Variants in SGCD observed in about 807,000 individuals in gnomAD.
SGCD encodes the protein delta-sarcoglycan.
SGCD carries 18 observed loss-of-function variants against 36.6 expected under a neutral mutation model. That is an observed-to-expected ratio of 0.49 (90% CI 0.34 to 0.73). The LOEUF (loss-of-function observed/expected upper bound fraction) is 0.73. Among genes scored for constraint, SGCD ranks in the 30% least tolerant of loss-of-function variants. The pLI, the probability that SGCD is intolerant of heterozygous loss-of-function variation, is 0.01. For synonymous variants in SGCD, 133 were observed against 130.6 expected, an observed-to-expected ratio of 1.02 and a Z score of -0.12; for missense variants, 387 against 346.7, an observed-to-expected ratio of 1.12 and a Z score of -0.92.
At chr5:156,164,704 G>C (rs1043384065) in intron 3 of SGCD, among the ~76,000 whole-genome samples, 3 of 152,158 alleles carry the variant, frequency 2.0e-5, no homozygotes, top group African/African-American at 7.2e-5. Flanking sequence ...TTTTAACTAA[G>C]CATTGCCTTT....
At chr5:156,536,179 G>C (rs1406341805) in intron 4 of SGCD, among the ~76,000 whole-genome samples, 1 of 152,148 alleles carries the variant, frequency 6.6e-6, no homozygotes, top group African/African-American at 2.4e-5. Context: ...AGGATACTAT[G>C]TGATTTAGAT....
At chr5:156,012,167 A>G (rs1758872249) in intron 1 of SGCD, among the ~76,000 whole-genome samples, 1 of 152,240 alleles carries the variant, frequency 6.6e-6, no homozygotes, top group South Asian at 2.1e-4. Flanking sequence ...TGTCATATAT[A>G]CTTTAGCAGA....
At chr5:156,392,208 T>C (rs1771608589) in intron 3 of SGCD, among the ~76,000 whole-genome samples, 1 of 152,170 alleles carries the variant, frequency 6.6e-6, no homozygotes, top group Non-Finnish European at 1.5e-5. Flanking sequence ...ACCCCATCCA[T>C]ACATTCAACA....
At chr5:156,408,736 A>G (rs899018316) in intron 3 of SGCD, among the ~76,000 whole-genome samples, 1 of 151,984 alleles carries the variant, frequency 6.6e-6, no homozygotes, top group African/African-American at 2.4e-5. Flanking sequence ...CTCTGTCTTT[A>G]GTCATCCTCT....
At chr5:156,312,537 C>T (rs1767416154) in intron 3 of SGCD, among the ~76,000 whole-genome samples, 1 of 152,134 alleles carries the variant, frequency 6.6e-6, no homozygotes. Flanking sequence ...GCTTCAATTG[C>T]ATATTCATTA....
chr5:156,597,468 C>T lies in SGCD; in HGVS notation c.502+2417C>T, dbSNP rs747279043. On this transcript the variant is annotated intron_variant, in intron 6 of 8. Coordinates refer to ENST00000337851, the MANE Select transcript of SGCD (RefSeq NM_000337.6). ...AAGAGAGCACATGCAGGAAAACTGC[C>T]CTTTATGCAACCATCAGATCTCATG... Among the ~76,000 whole-genome samples, 3 of 152,148 alleles carry T rather than the reference C, an allele frequency of 2.0e-5. No homozygotes were observed. In the East Asian group the frequency reaches 5.8e-4, roughly 29 times the overall value.
At chr5:156,427,748 G>T (rs572043969) in intron 3 of SGCD, among the ~76,000 whole-genome samples, 2 of 152,078 alleles carry the variant, frequency 1.3e-5, no homozygotes, top group African/African-American at 4.8e-5. Flanking sequence ...TATCATAAAG[G>T]GATGCTGGAT....
chr5:155,739,345 A>C, the SGCD span, among the ~76,000 whole-genome samples: 1 of 152,202 alleles, frequency 6.6e-6, no homozygotes. Context: ...TGGGACTGTG[A>C]GTTTCACAGT....
intron 3 of SGCD, among the ~76,000 whole-genome samples, chr5:156,425,938 A>G (rs969283519): frequency 2.0e-5 from 3 of 152,036 alleles, no homozygotes; most frequent in African/African-American, 7.2e-5. Flanking sequence ...TATATACCAA[A>G]TATTCTTTAT....
chr5:156,432,922 C>T (rs954880863), intron 3 of SGCD, among the ~76,000 whole-genome samples: 10 of 152,144 alleles, frequency 6.6e-5, no homozygotes, highest in South Asian at 6.2e-4. Flanking sequence ...TTTCAGACCA[C>T]GCTCCTTCCT....
intron 3 of SGCD, among the ~76,000 whole-genome samples, chr5:156,262,262 A>G (rs1301855323): frequency 6.6e-6 from 1 of 152,080 alleles, no homozygotes; most frequent in Non-Finnish European, 1.5e-5. Context: ...AATCCTTTAC[A>G]CTGTATTTTT....
At chr5:155,828,910 C>T in the SGCD span, among the ~76,000 whole-genome samples, 3 of 152,062 alleles carry the variant, frequency 2.0e-5, no homozygotes, top group Non-Finnish European at 2.9e-5. Flanking sequence ...TAGTCTGAAA[C>T]TCCTAACCTC....
intron 3 of SGCD, among the ~76,000 whole-genome samples, chr5:156,293,743 A>T (rs1255460621): frequency 6.6e-6 from 1 of 152,162 alleles, no homozygotes; most frequent in Non-Finnish European, 1.5e-5. Flanking sequence ...AAATCAGGAC[A>T]TATGAGTCCT....
upstream of SGCD, among the ~76,000 whole-genome samples, chr5:156,324,176 T>C (rs191283740): frequency 1.6e-4 from 24 of 152,300 alleles, no homozygotes; most frequent in Non-Finnish European, 3.4e-4. Context: ...TCATTATTTA[T>C]AGGTTTGTTA....
At chr5:155,992,084 A>G (rs1279270144) in intron 1 of SGCD, among the ~76,000 whole-genome samples, 4 of 152,208 alleles carry the variant, frequency 2.6e-5, no homozygotes, top group Admixed American at 6.5e-5. Context: ...TTGAATTTTA[A>G]TTTTCATCAT....
intron 3 of SGCD, among the ~76,000 whole-genome samples, chr5:156,237,637 A>C (rs1581187585): frequency 6.6e-6 from 1 of 152,174 alleles, no homozygotes; most frequent in Non-Finnish European, 1.5e-5. Flanking sequence ...TGAAAAAAAC[A>C]AAAAACAAAG....
intron 6 of SGCD, among the ~76,000 whole-genome samples, chr5:156,601,367 T>C (rs1761185302): frequency 6.6e-6 from 1 of 152,178 alleles, no homozygotes; most frequent in Non-Finnish European, 1.5e-5. Flanking sequence ...TATCCAATTT[T>C]CTGGCACCAT....
At chr5:155,890,115 T>C (rs1248267251) in intron 1 of SGCD, among the ~76,000 whole-genome samples, 1 of 152,158 alleles carries the variant, frequency 6.6e-6, no homozygotes, top group Non-Finnish European at 1.5e-5. Context: ...TTAATACTCA[T>C]GGCTATATTT....
chr5:155,969,343 A>T (rs915333498), intron 1 of SGCD, among the ~76,000 whole-genome samples: 1 of 152,164 alleles, frequency 6.6e-6, no homozygotes, highest in Non-Finnish European at 1.5e-5. Context: ...GAATTAAAGC[A>T]TAATGGTGAT....
Sources: allele counts gnomAD v4.1 joint callset (sites outside exome capture counted in the v4.1 genomes callset), GRCh38; gene constraint gnomAD v4.1.1; transcripts MANE v1.5; gene names NCBI Gene and HGNC (gene_info 2026-07-23, HGNC 2026-07-21).